SIPA1L1: variants seen among roughly 807,000 people sequenced by gnomAD.
SIPA1L1 encodes the protein signal induced proliferation associated 1 like 1, also known as signal-induced proliferation-associated 1-like protein 1.
A neutral mutation model predicts 162.7 loss-of-function variants in SIPA1L1; 26 were observed. The observed-to-expected ratio is 0.16, with a 90% CI of 0.12 to 0.22. The LOEUF (loss-of-function observed/expected upper bound fraction) is 0.22. Among genes scored for constraint, SIPA1L1 ranks in the 10% least tolerant of loss-of-function variants. The probability of loss-of-function intolerance (pLI) is 1.00; values close to 1 mark genes in which losing one functional copy is unlikely to be tolerated. For synonymous variants in SIPA1L1, 829 were observed against 837.4 expected (o/e 0.99, Z 0.17); for missense variants, 1,874 against 2,241.0 (o/e 0.84, Z 3.31).
chr14:71,647,257 C>T (rs938391430), intron 7 of SIPA1L1, among the ~76,000 whole-genome samples: 44 of 152,082 alleles, frequency 2.9e-4, no homozygotes, highest in African/African-American at 9.6e-4. Context: ...CTGGCAAAAC[C>T]GGTTTGTTCT....
intron 2 of SIPA1L1, among the ~76,000 whole-genome samples, chr14:71,327,368 G>A (rs564301445): frequency 4.6e-5 from 7 of 152,330 alleles, no homozygotes; most frequent in Admixed American, 2.6e-4. Context: ...ACAGGCATGA[G>A]CACCCGGCCT....
chr14:71,464,128 A>G (rs1189930664), intron 2 of SIPA1L1, among the ~76,000 whole-genome samples: 3 of 152,172 alleles, frequency 2.0e-5, no homozygotes, highest in African/African-American at 7.2e-5. Context: ...TCAAGGGTAT[A>G]TCTTCTGGAC....
chr14:71,446,937 G>A (rs1287141642), intron 2 of SIPA1L1, among the ~76,000 whole-genome samples: 1 of 71,834 alleles, frequency 1.4e-5, no homozygotes, highest in African/African-American at 6.2e-5. Context: ...TTTGAGACAG[G>A]CCCTTGCTTT....
In SIPA1L1 at chr14:71,709,293, TGAG is replaced by T; in HGVS notation, c.3838_3840del (p.Glu1280del). ...GCAATGCGTCAAGTGCCCATAGTGA[TGAG>T]AAGTGGTACGATGGGGACCGCACAG... On this transcript the variant is annotated inframe_deletion, in exon 17 of 24. Transcript: ENST00000381232. 1 of 1,614,060 alleles carries T rather than the reference TGAG, an allele frequency of 6.2e-7. No homozygotes were observed. Among genetic ancestry groups the T allele is most frequent in the Non-Finnish European group, 8.5e-7 (1 of 1,179,890 alleles).
chr14:71,463,401 TA>T (rs2046756642), intron 2 of SIPA1L1, among the ~76,000 whole-genome samples: 2 of 152,244 alleles, frequency 1.3e-5, no homozygotes, highest in South Asian at 4.2e-4. Context: ...AAAACTCCAT[TA>T]ATTACCTGAC....
Position 71,330,784 on chromosome 14 carries a change from C to G in SIPA1L1, c.-465+9603C>G, listed in dbSNP as rs1263848885. On this transcript the variant is annotated intron_variant, in intron 2 of 23. Coordinates refer to ENST00000381232, the MANE Select transcript of SIPA1L1 (RefSeq NM_001386936.1). ...CTCGGGCAAGGCCCAGTGGGCTGTC[C>G]CTGACGACCTCAGGCTTCACTCCAT... 8.2e-6 allele frequency: 6 copies of G among 731,936 alleles called. No homozygotes were observed. The East Asian group carries it at 1.2e-4, about 15-fold the overall frequency. The allele number at this position is 731,936 out of a possible 1,614,324, so 45.3% of individuals were successfully genotyped here.
chr14:71,336,949 C>A (rs1365621033), intron 2 of SIPA1L1, among the ~76,000 whole-genome samples: 1 of 152,054 alleles, frequency 6.6e-6, no homozygotes, highest in Admixed American at 6.5e-5. Flanking sequence ...GGACCTTGAC[C>A]CCTGTATCTA....
intron 2 of SIPA1L1, among the ~76,000 whole-genome samples, chr14:71,423,611 C>T (rs2043349871): frequency 6.6e-6 from 1 of 152,176 alleles, no homozygotes; most frequent in Non-Finnish European, 1.5e-5. Context: ...TGTCAAAAAT[C>T]ATTTCACCAT....
chr14:71,371,397 A>AT (rs996561370), intron 2 of SIPA1L1, among the ~76,000 whole-genome samples: 7 of 151,936 alleles, frequency 4.6e-5, no homozygotes, highest in Non-Finnish European at 1.0e-4. Flanking sequence ...TTTTATTTTT[A>AT]TTTTTTTAGA....
intron 14 of SIPA1L1, among the ~76,000 whole-genome samples, chr14:71,702,099 A>G (rs566749273): frequency 1.3e-5 from 2 of 152,340 alleles, no homozygotes; most frequent in Admixed American, 6.5e-5. Flanking sequence ...TTCTTATACT[A>G]CATACCTTAG....
At chr14:71,701,752 G>A (rs918798271) in intron 14 of SIPA1L1, among the ~76,000 whole-genome samples, 2 of 152,136 alleles carry the variant, frequency 1.3e-5, no homozygotes, top group African/African-American at 4.8e-5. Context: ...GTTCTTTCCA[G>A]AAATAAACAT....
At chr14:71,621,162 C>G (rs1666972330) in intron 6 of SIPA1L1, among the ~76,000 whole-genome samples, 1 of 152,192 alleles carries the variant, frequency 6.6e-6, no homozygotes, top group Non-Finnish European at 1.5e-5. Flanking sequence ...CCTGGTCTTG[C>G]TCTGAGAACT....
At chr14:71,374,988 A>C (rs911429789) in intron 2 of SIPA1L1, among the ~76,000 whole-genome samples, 1 of 152,188 alleles carries the variant, frequency 6.6e-6, no homozygotes, top group African/African-American at 2.4e-5. Context: ...TGTTTCTCCA[A>C]TAGAGACAGA....
intron 5 of SIPA1L1, among the ~76,000 whole-genome samples, chr14:71,611,271 A>G (rs1310449102): frequency 2.0e-5 from 3 of 152,268 alleles, no homozygotes; most frequent in East Asian, 1.9e-4. Flanking sequence ...GAATTCTCCA[A>G]TCCTTTAGCT....
intron 16 of SIPA1L1, 150 bp downstream of exon 16, chr14:71,705,490 C>T: frequency 1.5e-6 from 1 of 681,900 alleles, no homozygotes; most frequent in South Asian, 1.8e-5. Flanking sequence ...CTTGCAGTTT[C>T]TGCTGCCATG....
At chr14:71,494,978 A>G (rs1382824045) in intron 2 of SIPA1L1, among the ~76,000 whole-genome samples, 1 of 152,012 alleles carries the variant, frequency 6.6e-6, no homozygotes, top group Non-Finnish European at 1.5e-5. Context: ...TGATCCTCCC[A>G]TCTTGGCCTC....
chr14:71,708,389 A>G (rs569266670), intron 16 of SIPA1L1, among the ~76,000 whole-genome samples: 48 of 151,748 alleles, frequency 3.2e-4, no homozygotes, highest in South Asian at 2.1e-4. Context: ...CAGTGGCACA[A>G]TCTCGGCTCA....
intron 2 of SIPA1L1, among the ~76,000 whole-genome samples, chr14:71,408,301 A>G (rs1360788967): frequency 1.3e-5 from 2 of 152,182 alleles, no homozygotes; most frequent in Admixed American, 6.5e-5. Context: ...GTATTCCTTT[A>G]TATGAATTCT....
chr14:71,497,072 G>A (rs1028943517), intron 2 of SIPA1L1, among the ~76,000 whole-genome samples: 2 of 152,066 alleles, frequency 1.3e-5, no homozygotes, highest in Non-Finnish European at 2.9e-5. Context: ...AGGAGGCTGA[G>A]GCAGGAGAAT....
Sources: allele counts gnomAD v4.1 joint callset (sites outside exome capture counted in the v4.1 genomes callset), GRCh38; gene constraint gnomAD v4.1.1; transcripts MANE v1.5; gene names NCBI Gene and HGNC (gene_info 2026-07-23, HGNC 2026-07-21).